TGFBR3: variants seen among roughly 807,000 people sequenced by gnomAD.
The protein encoded by TGFBR3 is transforming growth factor beta receptor 3.
TGFBR3 carries 46 observed loss-of-function variants against 87.9 expected under a neutral mutation model. The observed-to-expected ratio is 0.52, with a 90% CI of 0.41 to 0.67. The LOEUF is 0.67. Ranked by LOEUF, TGFBR3 falls within the 30% of genes least tolerant of loss-of-function variation. The pLI, the probability that TGFBR3 is intolerant of heterozygous loss-of-function variation, is 0.00. For missense variants in TGFBR3, 866 were observed against 1,041.9 expected (o/e 0.83, Z 2.32); for synonymous variants, 381 against 391.6 (o/e 0.97, Z 0.32).
At chr1:91,864,930 C>T (rs896883729) in intron 1 of TGFBR3, among the ~76,000 whole-genome samples, 2 of 152,130 alleles carry the variant, frequency 1.3e-5, no homozygotes, top group Non-Finnish European at 1.5e-5. Flanking sequence ...TGGCTGGGCA[C>T]AGTGGCTCAT....
Position 91,681,193 on chromosome 1 carries a change from A to C in TGFBR3, c.*2546T>G. ...CTTGTACTTTGTATTAAAACTGTAA[A>C]GTGTGAAGCAATTAGAAATACTGTA... On this transcript the variant is annotated 3_prime_UTR_variant, in exon 17 of 17. Transcript: ENST00000212355. 1 of 452,892 alleles carries C rather than the reference A, an allele frequency of 2.2e-6. No individual in the cohort carries two copies. The highest frequency in any genetic ancestry group is 4.4e-6 in the Non-Finnish European group (1 of 226,212). 28.1% of individuals were successfully genotyped at this position (452,892 alleles called of 1,614,324 possible). A position where few individuals can be genotyped will look rare whatever the true frequency, so the allele number is the denominator to read the frequency against.
intron 8 of TGFBR3, among the ~76,000 whole-genome samples, chr1:91,721,134 T>C (rs1672354178): frequency 6.6e-6 from 1 of 152,202 alleles, no homozygotes; most frequent in African/African-American, 2.4e-5. Context: ...AGATGATAGT[T>C]GGACATTATC....
intron 7 of TGFBR3, among the ~76,000 whole-genome samples, 189 bp downstream of exon 7, chr1:91,727,470 T>C (rs925865674): frequency 6.6e-6 from 1 of 152,240 alleles, no homozygotes; most frequent in Non-Finnish European, 1.5e-5. Flanking sequence ...TGGGTCCGTC[T>C]TAATCCAAGG....
intron 2 of TGFBR3, among the ~76,000 whole-genome samples, chr1:91,818,064 T>C (rs962155976): frequency 6.6e-6 from 1 of 152,122 alleles, no homozygotes; most frequent in East Asian, 1.9e-4. Context: ...CTTAGCTTTT[T>C]CTTTTCCTTT....
chr1:91,868,394 TC>T (rs1255367105), intron 1 of TGFBR3, among the ~76,000 whole-genome samples: 1 of 152,186 alleles, frequency 6.6e-6, no homozygotes, highest in Non-Finnish European at 1.5e-5. Context: ...TTTCAAAAAT[TC>T]CCTCCATCAC....
At chr1:91,826,882 T>C (rs578240205) in intron 2 of TGFBR3, among the ~76,000 whole-genome samples, 18 of 152,138 alleles carry the variant, frequency 1.2e-4, no homozygotes, top group African/African-American at 4.3e-4. Flanking sequence ...AGTCAACCAC[T>C]GCAAGTCACA....
At chr1:91,875,926 A>AAAAG (rs1678786768) in intron 1 of TGFBR3, among the ~76,000 whole-genome samples, 1 of 151,234 alleles carries the variant, frequency 6.6e-6, no homozygotes, top group African/African-American at 2.4e-5. Context: ...AAAAAAAAAA[A>AAAAG]AAAGAAAGAA....
At chr1:91,823,955 C>A (rs1676542365) in intron 2 of TGFBR3, among the ~76,000 whole-genome samples, 1 of 152,098 alleles carries the variant, frequency 6.6e-6, no homozygotes, top group Admixed American at 6.5e-5. Context: ...CATAGCAAGA[C>A]CCCGTCTCTA....
intron 3 of TGFBR3, among the ~76,000 whole-genome samples, chr1:91,788,207 G>A (rs993630586): frequency 2.0e-5 from 3 of 152,178 alleles, no homozygotes; most frequent in Admixed American, 2.0e-4. Context: ...ACATGTCACC[G>A]CTACACCCTC....
At chr1:91,856,937 G>A (rs1005833650) in intron 2 of TGFBR3, among the ~76,000 whole-genome samples, 3 of 152,156 alleles carry the variant, frequency 2.0e-5, no homozygotes, top group African/African-American at 7.2e-5. Flanking sequence ...TCTCAACTCT[G>A]CCACTTATTA....
At chr1:91,902,897 C>G (rs1198898594) in intron 1 of TGFBR3, among the ~76,000 whole-genome samples, 1 of 151,882 alleles carries the variant, frequency 6.6e-6, no homozygotes, top group East Asian at 1.9e-4. Flanking sequence ...CTTTTCCCTG[C>G]CTGCAATGCT....
At position 91,682,640 on chromosome 1, in the gene TGFBR3, C is replaced by T; in HGVS notation, c.*1099G>A. The T allele has an allele frequency of 2.2e-6, 1 of 453,796 alleles. No individual in the cohort carries two copies. Among genetic ancestry groups the T allele is most frequent in the Non-Finnish European group, 4.4e-6 (1 of 226,742 alleles). 28.1% of individuals were successfully genotyped at this position (453,796 alleles called of 1,614,324 possible). A position where few individuals can be genotyped will look rare whatever the true frequency, so the allele number is the denominator to read the frequency against. The stretch of plus-strand genomic sequence containing the variant: ...ATTCAGATAACCAACTGGAGACCGA[C>T]AGGATTTGCCATGCATTTGCATCTT... On this transcript the variant is annotated 3_prime_UTR_variant, in exon 17 of 17. Transcript: ENST00000212355.
intron 2 of TGFBR3, among the ~76,000 whole-genome samples, chr1:91,809,599 A>C (rs1675957661): frequency 6.6e-6 from 1 of 152,220 alleles, no homozygotes; most frequent in African/African-American, 2.4e-5. Flanking sequence ...ATTGTTAATT[A>C]CAGCCATGTG....
intron 3 of TGFBR3, among the ~76,000 whole-genome samples, chr1:91,765,612 G>A (rs1674150442): frequency 6.6e-6 from 1 of 151,868 alleles, no homozygotes; most frequent in South Asian, 2.1e-4. Context: ...CCATCCATGG[G>A]AACCATAAAA....
chr1:91,894,060 C>G (rs1679501412), intron 2 of TGFBR3, among the ~76,000 whole-genome samples: 1 of 152,054 alleles, frequency 6.6e-6, no homozygotes, highest in African/African-American at 2.4e-5. Flanking sequence ...ATACCTTCTT[C>G]TCCCTCTTTG....
chr1:91,841,314 T>G lies in TGFBR3; in HGVS notation c.61+20157A>C, dbSNP rs77138249. On this transcript the variant is annotated intron_variant, in intron 2 of 16. Coordinates refer to ENST00000212355, the MANE Select transcript of TGFBR3 (RefSeq NM_003243.5). Reference sequence around the variant, plus strand: ...AAATGCAACATACGTACCTCCCATTTTACCATATAGAATAAGGAAAAAACA... The same window carrying G: ...AAATGCAACATACGTACCTCCCATTGTACCATATAGAATAAGGAAAAAACA... 9.0e-3 allele frequency among the ~76,000 whole-genome samples: 1,370 copies of G among 152,310 alleles called. 23 individuals are homozygous for G. Among genetic ancestry groups the G allele is most frequent in the African/African-American group, 0.03 (1,266 of 41,558 alleles).
chr1:91,746,982 G>T (rs1259516267), intron 4 of TGFBR3, among the ~76,000 whole-genome samples: 4 of 152,134 alleles, frequency 2.6e-5, no homozygotes, highest in South Asian at 4.1e-4. Flanking sequence ...TAAAACACTA[G>T]GAAATATGAT....
intron 2 of TGFBR3, among the ~76,000 whole-genome samples, chr1:91,846,191 G>A (rs1026548274): frequency 5.9e-5 from 9 of 152,162 alleles, no homozygotes; most frequent in Non-Finnish European, 4.4e-5. Flanking sequence ...GCCGGGTAAG[G>A]TCCAAGCTAA....
chr1:91,891,502 A>C (rs76703961), intron 2 of TGFBR3, among the ~76,000 whole-genome samples: 1 of 143,316 alleles, frequency 7.0e-6, no homozygotes, highest in Non-Finnish European at 1.5e-5. Context: ...TGTCTCAAAG[A>C]AAAAAAAAAA....
Sources: gnomAD v4.1 joint callset for allele counts (sites outside exome capture counted in the v4.1 genomes callset) on GRCh38, gnomAD v4.1.1 for gene constraint, MANE v1.5 for transcripts, NCBI Gene and HGNC (gene_info 2026-07-23, HGNC 2026-07-21) for gene names.